ARID5B: variants seen among roughly 807,000 people sequenced by gnomAD.
ARID5B encodes the protein AT-rich interactive domain-containing protein 5B.
Under a neutral mutation model 97.2 loss-of-function variants are expected in ARID5B, and 13 were observed. That is an observed-to-expected ratio of 0.13 (90% CI 0.09 to 0.21). The LOEUF (loss-of-function observed/expected upper bound fraction) is 0.21. Among genes scored for constraint, ARID5B ranks in the 10% least tolerant of loss-of-function variants. The probability of loss-of-function intolerance (pLI) is 1.00; values close to 1 mark genes in which losing one functional copy is unlikely to be tolerated. For synonymous variants in ARID5B, 556 were observed against 570.3 expected (o/e 0.97, Z 0.36); for missense variants, 1,210 against 1,465.3 (o/e 0.83, Z 2.84).
chr10:61,963,220 T>C (rs565430062), intron 3 of ARID5B, among the ~76,000 whole-genome samples: 298 of 152,334 alleles, frequency 2.0e-3, no homozygotes, highest in African/African-American at 6.9e-3. Context: ...CTGATTCCTT[T>C]CTTCTGAATG....
At chr10:61,915,062 G>T (rs191250708) in intron 2 of ARID5B, among the ~76,000 whole-genome samples, 46 of 152,310 alleles carry the variant, frequency 3.0e-4, no homozygotes, top group African/African-American at 1.0e-3. Flanking sequence ...CTGCTCTTTA[G>T]GGACTTGCAC....
chr10:62,076,102 G>A lies in ARID5B; in HGVS notation c.1199+6305G>A, dbSNP rs34211748. On this transcript the variant is annotated intron_variant, in intron 8 of 9. Transcript: ENST00000279873. ...ACAGGATGCTGCTTCCGGTGAGCCCGGGTTCAGCCTCAGAATTCTTCTCAG... is the reference window on the plus strand; with the variant it reads ...ACAGGATGCTGCTTCCGGTGAGCCCAGGTTCAGCCTCAGAATTCTTCTCAG... Among the ~76,000 whole-genome samples, 462 of 152,294 alleles carry A rather than the reference G, an allele frequency of 3.0e-3. 5 individuals carry two copies. The highest frequency in any genetic ancestry group is 0.02 in the Middle Eastern group (6 of 294).
chr10:61,913,569 G>A (rs1189251179), intron 2 of ARID5B, among the ~76,000 whole-genome samples: 2 of 152,170 alleles, frequency 1.3e-5, no homozygotes, highest in African/African-American at 2.4e-5. Context: ...TGTGGGGAAG[G>A]GGCTGCTCTC....
intron 3 of ARID5B, among the ~76,000 whole-genome samples, chr10:61,975,766 G>A (rs1305988790): frequency 2.6e-5 from 4 of 152,148 alleles, no homozygotes; most frequent in African/African-American, 9.7e-5. Context: ...GAGAATAGCT[G>A]ATGGATGTAA....
Position 62,092,607 on chromosome 10 carries a change from G to A in ARID5B, c.3144G>A (p.Glu1048=), listed in dbSNP as rs368844133. The A allele has an allele frequency of 1.9e-6, 3 of 1,614,094 alleles. No homozygotes were observed. Among genetic ancestry groups the A allele is most frequent in the African/African-American group, 2.7e-5 (2 of 74,928 alleles). ...TCTCTGGGAAGGAGAAGGCCTCTGA[G>A]CAGGAGAGTGAAGGCAGCAAAGCAG... The part of the protein sequence containing the change: ...KEVSGKEKAS[E]QESEGSKAAH... Residue 1048 remains glutamate (E), a synonymous_variant, in exon 10 of 10, where the codon GAG becomes GAA. Transcript: ENST00000279873.
intron 4 of ARID5B, among the ~76,000 whole-genome samples, chr10:62,037,246 C>G (rs908079548): frequency 6.6e-6 from 1 of 152,198 alleles, no homozygotes; most frequent in African/African-American, 2.4e-5. Context: ...GGCCCTCCCC[C>G]ACTCATTTCC....
In ARID5B at chr10:62,096,291, G is replaced by A. The variant is rs886289989; in HGVS notation, c.*3261G>A. Reference sequence around the variant, plus strand: ...GTGTGTCTGATGGAAATTTCGAGGTGGTCCCACAAAAATATTTTATGTAGT... The same window carrying A: ...GTGTGTCTGATGGAAATTTCGAGGTAGTCCCACAAAAATATTTTATGTAGT... On this transcript the variant is annotated 3_prime_UTR_variant, in exon 10 of 10. Coordinates refer to ENST00000279873, the MANE Select transcript of ARID5B (RefSeq NM_032199.3). 3 of 233,452 alleles carry A rather than the reference G, an allele frequency of 1.3e-5. No homozygotes were observed. The highest frequency in any genetic ancestry group is 2.5e-5 in the Non-Finnish European group (3 of 118,040). 14.5% of individuals were successfully genotyped at this position (233,452 alleles called of 1,614,324 possible).
chr10:62,060,276 G>A (rs1290492313), intron 7 of ARID5B, among the ~76,000 whole-genome samples: 2 of 152,216 alleles, frequency 1.3e-5, no homozygotes, highest in African/African-American at 4.8e-5. Flanking sequence ...ATGGTTTGAT[G>A]TGCGGGTCTT....
chr10:62,027,695 G>A (rs192600916), intron 4 of ARID5B, among the ~76,000 whole-genome samples: 74 of 151,976 alleles, frequency 4.9e-4, no homozygotes, highest in African/African-American at 1.4e-3. Flanking sequence ...TCTTGCACTC[G>A]TTTCTTTCTC....
rs374710079 is a variant in ARID5B, at chr10:61,902,351, A to T, written c.214A>T (p.Ser72Cys). 1 of 1,614,008 alleles carries T rather than the reference A, an allele frequency of 6.2e-7. No individual in the cohort carries two copies. The highest frequency in any genetic ancestry group is 8.5e-7 in the Non-Finnish European group (1 of 1,180,026). ...EERTSRQLLS[S>C]SKLYFLPEDT... Reference sequence around the variant, plus strand: ...GAGGACCAGCCGGCAACTTTTATCCAGCTCTAAACTTTATTTCCTCCCAGA... The same window carrying T: ...GAGGACCAGCCGGCAACTTTTATCCTGCTCTAAACTTTATTTCCTCCCAGA... The change falls in exon 2 of 10, where the codon AGC becomes TGC. Residue 72 changes from serine (S) to cysteine (C), a missense_variant. Coordinates refer to ENST00000279873, the MANE Select transcript of ARID5B (RefSeq NM_032199.3).
At chr10:62,029,090 C>A (rs574184942) in intron 4 of ARID5B, among the ~76,000 whole-genome samples, 1 of 152,154 alleles carries the variant, frequency 6.6e-6, no homozygotes, top group Non-Finnish European at 1.5e-5. Flanking sequence ...CAAAACTGTT[C>A]GTGGGACACT....
rs751836275 is a variant in ARID5B, at chr10:62,096,414, C to G, written c.*3384C>G. ...AAGTCGCATCTGGTCTAGTTTTACT[C>G]TTGTCCCAATTTTAAAGAGAAATGG... is the stretch of plus-strand genomic sequence containing the variant. On this transcript the variant is annotated 3_prime_UTR_variant, in exon 10 of 10. Transcript: ENST00000279873. 4.3e-6 allele frequency: 1 copy of G among 233,478 alleles called. No homozygotes were observed. Among genetic ancestry groups the G allele is most frequent in the Non-Finnish European group, 8.5e-6 (1 of 118,022 alleles). The allele number at this position is 233,478 out of a possible 1,614,324, so 14.5% of individuals were successfully genotyped here.
At chr10:61,946,586 T>G (rs1208898414) in intron 3 of ARID5B, among the ~76,000 whole-genome samples, 1 of 152,216 alleles carries the variant, frequency 6.6e-6, no homozygotes, top group Non-Finnish European at 1.5e-5. Context: ...ACTATACTAT[T>G]CATGAATATC....
intron 3 of ARID5B, among the ~76,000 whole-genome samples, chr10:61,994,974 G>C (rs1488964184): frequency 6.6e-6 from 1 of 152,054 alleles, no homozygotes; most frequent in Non-Finnish European, 1.5e-5. Context: ...TTCAGGAATG[G>C]GATGACATTT....
At chr10:62,069,833 G>C in intron 8 of ARID5B, 36 bp downstream of exon 8, 1 of 1,598,526 alleles carries the variant, frequency 6.3e-7, no homozygotes. Context: ...TTAGTTAAAA[G>C]TGTGTTAATT....
intron 3 of ARID5B, among the ~76,000 whole-genome samples, chr10:61,950,145 T>A (rs561319752): frequency 2.3e-3 from 349 of 152,270 alleles, no homozygotes; most frequent in African/African-American, 8.3e-3. Flanking sequence ...GTAGCTGGGA[T>A]TACAGACATG....
rs1840476992 is a variant in ARID5B, at chr10:62,096,782, C to G, written c.*3752C>G. Reference sequence around the variant, plus strand: ...TAAACACTACCAGAAGAATGCTGAGCCAACTATAAACACTCAATTTTGTAT... The same window carrying G: ...TAAACACTACCAGAAGAATGCTGAGGCAACTATAAACACTCAATTTTGTAT... On this transcript the variant is annotated 3_prime_UTR_variant, in exon 10 of 10. Transcript: ENST00000279873. 1 of 233,410 alleles carries G rather than the reference C, an allele frequency of 4.3e-6. No homozygotes were observed. Among genetic ancestry groups the G allele is most frequent in the African/African-American group, 2.2e-5 (1 of 45,310 alleles). The allele number at this position is 233,410 out of a possible 1,614,324, so 14.5% of individuals were successfully genotyped here. A position where few individuals can be genotyped will look rare whatever the true frequency, so the allele number is the denominator to read the frequency against.
intron 4 of ARID5B, among the ~76,000 whole-genome samples, chr10:62,008,155 A>G (rs1349322368): frequency 6.7e-6 from 1 of 150,244 alleles, no homozygotes; most frequent in African/African-American, 2.4e-5. Flanking sequence ...ATTCACAGCC[A>G]TGTGTGCAGG....
chr10:62,005,343 C>A (rs573021181), intron 4 of ARID5B, among the ~76,000 whole-genome samples: 2 of 152,198 alleles, frequency 1.3e-5, no homozygotes, highest in Non-Finnish European at 2.9e-5. Flanking sequence ...TAACAGCCAA[C>A]TTGCTGGACA....
Sources: gnomAD v4.1 joint callset for allele counts (sites outside exome capture counted in the v4.1 genomes callset) on GRCh38, gnomAD v4.1.1 for gene constraint, MANE v1.5 for transcripts, NCBI Gene and HGNC (gene_info 2026-07-23, HGNC 2026-07-21) for gene names.